ADAMTS17: variants seen among roughly 807,000 people sequenced by gnomAD.
ADAMTS17 encodes A disintegrin and metalloproteinase with thrombospondin motifs 17.
A neutral mutation model predicts 141.5 loss-of-function variants in ADAMTS17; 113 were observed. The observed-to-expected ratio is 0.80, with a 90% confidence interval of 0.69 to 0.93. The LOEUF (loss-of-function observed/expected upper bound fraction) is 0.93, where lower values mean the gene tolerates loss of function less well. Ranked by LOEUF, ADAMTS17 falls within the 40% of genes least tolerant of loss-of-function variation. ADAMTS17 has a pLI of 0.00. For synonymous variants in ADAMTS17, 768 were observed against 630.6 expected, an observed-to-expected ratio of 1.22 and a Z score of -3.27; for missense variants, 1,659 against 1,517.9, an observed-to-expected ratio of 1.09 and a Z score of -1.54.
chr15:100,131,270 G>A (rs1231522600), intron 12 of ADAMTS17, among the ~76,000 whole-genome samples: 1 of 151,236 alleles, frequency 6.6e-6, no homozygotes, highest in Non-Finnish European at 1.5e-5. Flanking sequence ...CCTAATGTAG[G>A]TGACGAGTTG....
intron 8 of ADAMTS17, among the ~76,000 whole-genome samples, chr15:100,170,260 A>T (rs1184214032): frequency 6.6e-6 from 1 of 152,190 alleles, no homozygotes; most frequent in Non-Finnish European, 1.5e-5. Context: ...ACTGCTGCAG[A>T]ATGGTAACTC....
At chr15:100,013,181 TGCTTGGTC>T (rs1413157360) in intron 18 of ADAMTS17, among the ~76,000 whole-genome samples, 1 of 152,188 alleles carries the variant, frequency 6.6e-6, no homozygotes, top group African/African-American at 2.4e-5. Context: ...TTTGATTCTC[TGCTTGGTC>T]GCTTTTGGTA....
At chr15:100,280,797 C>T (rs183946710) in intron 4 of ADAMTS17, among the ~76,000 whole-genome samples, 50 of 151,416 alleles carry the variant, frequency 3.3e-4, no homozygotes, top group Middle Eastern at 3.4e-3. Flanking sequence ...TGACTCCTTC[C>T]TTGGTTCTCT....
intron 7 of ADAMTS17, among the ~76,000 whole-genome samples, chr15:100,215,269 G>C (rs1220178349): frequency 1.3e-5 from 2 of 152,208 alleles, no homozygotes; most frequent in Admixed American, 1.3e-4. Flanking sequence ...TGGAAGATCA[G>C]CTGCTTGTGA....
intron 8 of ADAMTS17, among the ~76,000 whole-genome samples, chr15:100,162,980 GTATA>G (rs1305114612): frequency 6.7e-5 from 9 of 134,100 alleles, no homozygotes; most frequent in African/African-American, 1.2e-4. Context: ...ATATATATGT[GTATA>G]TATAACTATA....
chr15:100,001,535 G>A lies in ADAMTS17; in HGVS notation c.2592-3946C>T, dbSNP rs541959859. On this transcript the variant is annotated intron_variant, in intron 18 of 21. Coordinates refer to ENST00000268070, the MANE Select transcript of ADAMTS17 (RefSeq NM_139057.4). Reference sequence around the variant, plus strand: ...CATAGATGTGGGTGACGATGATGTCGTGATGTGTCAGGGTAGGTCCCTCAG... The same window carrying A: ...CATAGATGTGGGTGACGATGATGTCATGATGTGTCAGGGTAGGTCCCTCAG... Among the ~76,000 whole-genome samples, 18 of 152,268 alleles carry A rather than the reference G, an allele frequency of 1.2e-4. No individual in the cohort carries two copies. The South Asian group carries it at 3.3e-3, about 28-fold the overall frequency.
At chr15:99,974,586 C>T (rs778954332) in intron 21 of ADAMTS17, 24 bp from the exon 22 acceptor site, 7 of 1,614,098 alleles carry the variant, frequency 4.3e-6, no homozygotes, top group African/African-American at 1.3e-5. Flanking sequence ...AGAGAGAATA[C>T]CCAGGGTCAG....
At chr15:100,287,173 C>A (rs749793830) in intron 3 of ADAMTS17, among the ~76,000 whole-genome samples, 2 of 152,196 alleles carry the variant, frequency 1.3e-5, no homozygotes, top group East Asian at 3.9e-4. Context: ...GGTGACACAG[C>A]AAGACTCCAT....
intron 3 of ADAMTS17, among the ~76,000 whole-genome samples, chr15:100,315,188 G>A (rs1323894137): frequency 1.3e-5 from 2 of 152,208 alleles, no homozygotes; most frequent in Non-Finnish European, 2.9e-5. Flanking sequence ...AGGTGGGCGG[G>A]ACCTTCGTCC....
chr15:100,204,012 T>C (rs980772118), intron 7 of ADAMTS17, among the ~76,000 whole-genome samples: 1 of 152,204 alleles, frequency 6.6e-6, no homozygotes, highest in Admixed American at 6.5e-5. Context: ...TTCCCATCCA[T>C]GCCAGCACAA....
intron 10 of ADAMTS17, among the ~76,000 whole-genome samples, chr15:100,142,566 C>G (rs576437462): frequency 8.8e-4 from 134 of 152,348 alleles, no homozygotes; most frequent in Middle Eastern, 6.8e-3. Context: ...TTACTACTAA[C>G]TCTCATGTCT....
intron 7 of ADAMTS17, among the ~76,000 whole-genome samples, chr15:100,233,744 G>C (rs910167827): frequency 5.9e-5 from 9 of 152,116 alleles, no homozygotes; most frequent in African/African-American, 1.4e-4. Context: ...GGTGGGAAGA[G>C]AGCGAGTTAT....
chr15:100,282,865 T>C (rs773103998), intron 3 of ADAMTS17, among the ~76,000 whole-genome samples: 16 of 152,202 alleles, frequency 1.1e-4, no homozygotes, highest in Non-Finnish European at 1.9e-4. Context: ...GAAGCCGATA[T>C]AAATCTGCAT....
chr15:100,236,268 T>A (rs185216826), intron 7 of ADAMTS17, among the ~76,000 whole-genome samples: 1 of 140,424 alleles, frequency 7.1e-6, no homozygotes, highest in Non-Finnish European at 1.5e-5. Flanking sequence ...CCTATATTCA[T>A]GTCACCCACG....
intron 10 of ADAMTS17, among the ~76,000 whole-genome samples, chr15:100,136,899 A>C (rs2038362084): frequency 6.6e-6 from 1 of 152,130 alleles, no homozygotes; most frequent in African/African-American, 2.4e-5. Context: ...CAGCACAGAT[A>C]ATGGGAAAAG....
chr15:100,046,701 TC>T (rs1340990234), intron 18 of ADAMTS17, among the ~76,000 whole-genome samples: 5 of 152,212 alleles, frequency 3.3e-5, no homozygotes, highest in Non-Finnish European at 7.3e-5. Context: ...ACTTATCACT[TC>T]CCCAATCAAT....
At chr15:100,092,475 C>T (rs1321168345) in intron 15 of ADAMTS17, among the ~76,000 whole-genome samples, 11 of 152,200 alleles carry the variant, frequency 7.2e-5, no homozygotes, top group South Asian at 2.1e-4. Context: ...CATGTGGATA[C>T]CTTCGTACAG....
intron 10 of ADAMTS17, among the ~76,000 whole-genome samples, chr15:100,151,445 G>T (rs1265660866): frequency 6.6e-6 from 1 of 152,172 alleles, no homozygotes; most frequent in East Asian, 1.9e-4. Context: ...CTGGGCTAAT[G>T]GGCATTGGGA....
intron 13 of ADAMTS17, among the ~76,000 whole-genome samples, chr15:100,114,804 C>G (rs190191430): frequency 5.1e-4 from 78 of 152,338 alleles, no homozygotes; most frequent in African/African-American, 1.8e-3. Flanking sequence ...TCTGGGCAGA[C>G]TCAAGTCCCA....
Sources: gnomAD v4.1 joint callset for allele counts (sites outside exome capture counted in the v4.1 genomes callset) on GRCh38, gnomAD v4.1.1 for gene constraint, MANE v1.5 for transcripts, NCBI Gene and HGNC (gene_info 2026-07-23, HGNC 2026-07-21) for gene names.